Variants in NFKB2 observed in about 807,000 individuals in gnomAD.
NFKB2 encodes the protein nuclear factor kappa B subunit 2.
Under a neutral mutation model 109.3 loss-of-function variants are expected in NFKB2, and 21 were observed. The ratio of observed to expected loss-of-function variants is 0.19; its 90% CI spans 0.14 to 0.28. The LOEUF is 0.28. Ranked by LOEUF, NFKB2 falls within the 10% of genes least tolerant of loss-of-function variation. The pLI, the probability that NFKB2 is intolerant of heterozygous loss-of-function variation, is 1.00. For synonymous variants in NFKB2, 478 were observed against 489.9 expected (o/e 0.98, Z 0.32); for missense variants, 806 against 1,185.3 (o/e 0.68, Z 4.70).
At position 102,397,905 on chromosome 10, in the gene NFKB2, A is replaced by C; in HGVS notation, c.662-76A>C. 6.8e-7 allele frequency: 1 copy of C among 1,477,410 alleles called. No homozygotes were observed. Among genetic ancestry groups the C allele is most frequent in the South Asian group, 1.1e-5 (1 of 87,664 alleles). 91.5% of individuals were successfully genotyped at this position (1,477,410 alleles called of 1,614,324 possible). On this transcript the variant is annotated intron_variant, in intron 8 of 22. Transcript: ENST00000661543. The surrounding 1 kb of genome is among the most constrained non-coding windows in gnomAD (Gnocchi z 4.7). The stretch of plus-strand genomic sequence containing the variant: ...AGCTCCAGGGGTTGCTGAGATAAGG[A>C]ATACAAAGCCCCCAGCTTCTTAAAT...
At position 102,398,753 on chromosome 10, in the gene NFKB2, C is replaced by G; in HGVS notation, c.1006C>G (p.Gln336Glu). The G allele has an allele frequency of 6.2e-7, 1 of 1,612,398 alleles. No individual in the cohort carries two copies. Reference sequence around the variant, plus strand: ...TCTGCCCCCAGACAAGGAAGAGGTGCAGCGGAAGCGGAGGAAGGCCTTGCC... The same window carrying G: ...TCTGCCCCCAGACAAGGAAGAGGTGGAGCGGAAGCGGAGGAAGGCCTTGCC... ...YPLVEDKEEV[Q>E]RKRRKALPTF... The change falls in exon 12 of 23, where the codon CAG (glutamine) becomes GAG (glutamate). Residue 336 changes from glutamine (Q) to glutamate (E), a missense_variant. Physicochemically the swap from Gln to Glu is conservative, Grantham distance 29 (BLOSUM62 2). Around this residue, in one of 10 missense-constraint regions of NFKB2, gnomAD observed 209 missense variants for 211.9 expected, o/e 0.99. Transcript: ENST00000661543. This position sits in a 1 kb window ranked among gnomAD's most constrained non-coding sequence, Gnocchi z 6.6.
In NFKB2 at chr10:102,401,907, G is replaced by A. The variant is rs761531554; in HGVS notation, c.2456G>A (p.Arg819His). 1.4e-5 allele frequency: 22 copies of A among 1,611,616 alleles called. No homozygotes were observed. Among genetic ancestry groups the A allele is most frequent in the South Asian group, 2.2e-5 (2 of 90,726 alleles). ...ACCTCACCCAGTGGCAGCCTCCTGC[G>A]CAGCTACGAGGTGGGTTGGCCTGTG... The part of the protein sequence containing the change: ...QTTSPSGSLL[R>H]SYELAGGDLA... Residue 819 changes from arginine (R) to histidine (H), a missense_variant, in exon 21 of 23, where the codon CGC becomes CAC. Transcript: ENST00000661543. This position sits in a 1 kb window ranked among gnomAD's most constrained non-coding sequence, Gnocchi z 4.2.
At position 102,401,211 on chromosome 10, in the gene NFKB2, C is replaced by T. The variant is rs200250354; in HGVS notation, c.2103C>T (p.Pro701=). ...ACATCCATGCTGAAAACGAGGAGCC[C>T]CTGTGCCCACTGCCTTCACCCCCTA... The part of the protein sequence containing the change: ...GADIHAENEE[P]LCPLPSPPTS... Residue 701 remains proline, a synonymous_variant, in exon 19 of 23, where the codon CCC becomes CCT. Coordinates refer to ENST00000661543, the MANE Select transcript of NFKB2 (RefSeq NM_001322934.2). The surrounding 1 kb of genome is among the most constrained non-coding windows in gnomAD (Gnocchi z 4.2). 3 of 1,604,448 alleles carry T rather than the reference C, an allele frequency of 1.9e-6. No homozygotes were observed. The highest frequency in any genetic ancestry group is 1.7e-5 in the Admixed American group (1 of 59,138).
At chr10:102,399,529 G>A in intron 13 of NFKB2, 32 bp downstream of exon 13, 1 of 1,507,192 alleles carries the variant, frequency 6.6e-7, no homozygotes. Context: ...CGGTCGGGGC[G>A]CCGGGGCTGA....
rs1383114111 is a variant in NFKB2, at chr10:102,397,077, C to T, written c.395+22C>T. ...CCCAGTAGGTGCCCTCTACGCCTGG[C>T]CCCCACTGGTATGCCCGTCTGCCAG... On this transcript the variant is annotated intron_variant, in intron 6 of 22. Transcript: ENST00000661543. The surrounding 1 kb of genome is among the most constrained non-coding windows in gnomAD (Gnocchi z 4.7). 1.3e-6 allele frequency: 2 copies of T among 1,599,854 alleles called. No individual in the cohort carries two copies. The highest frequency in any genetic ancestry group is 1.7e-6 in the Non-Finnish European group (2 of 1,169,128).
In NFKB2 at chr10:102,399,618, A is replaced by C. The variant is rs1589865861; in HGVS notation, c.1369A>C (p.Ser457Arg). 6.5e-7 allele frequency: 1 copy of C among 1,546,398 alleles called. No individual in the cohort carries two copies. The highest frequency in any genetic ancestry group is 8.7e-7 in the Non-Finnish European group (1 of 1,145,570). Reference protein sequence around the residue: ...NARLFGLAQRSARALLDYGVT... With the variant: ...NARLFGLAQRRARALLDYGVT... ...GCGCCTGTTCGGCCTGGCGCAGCGC[A>C]GCGCCCGAGCCCTACTCGACTACGG... The change falls in exon 14 of 23, where the codon AGC becomes CGC. Residue 457 changes from serine to arginine, a missense_variant. This residue lies in a region of NFKB2 where 209 missense variants were observed against 211.9 expected (regional missense o/e 0.99). Transcript: ENST00000661543.
In NFKB2 at chr10:102,396,129, A is replaced by C; in HGVS notation, c.22-124A>C. 6.9e-7 allele frequency: 1 copy of C among 1,457,734 alleles called. No homozygotes were observed. Among genetic ancestry groups the C allele is most frequent in the Non-Finnish European group, 9.5e-7 (1 of 1,049,586 alleles). The allele number at this position is 1,457,734 out of a possible 1,614,324, so 90.3% of individuals were successfully genotyped here. A position where few individuals can be genotyped will look rare whatever the true frequency, so the allele number is the denominator to read the frequency against. On this transcript the variant is annotated intron_variant, in intron 2 of 22. Coordinates refer to ENST00000661543, the MANE Select transcript of NFKB2 (RefSeq NM_001322934.2). The surrounding 1 kb of genome is among the most constrained non-coding windows in gnomAD (Gnocchi z 5.9). The stretch of plus-strand genomic sequence containing the variant: ...TCCATCTGTCTGCAACTCTGCCTCC[A>C]AAAGGAGCTTTCTCTTGGGTCTGAG...
At chr10:102,395,556 TG>T, upstream of NFKB2, 1 of 336,636 alleles carries the variant, frequency 3.0e-6, no homozygotes, top group South Asian at 4.6e-5. Flanking sequence ...CCTAGACCTC[TG>T]CCCGCTGAAA....
chr10:102,394,281 G>C (rs2061060083), upstream of NFKB2: 1 of 152,264 alleles, frequency 6.6e-6, no homozygotes, highest in Non-Finnish European at 1.5e-5. Flanking sequence ...CTGGGTCAGC[G>C]GGTACCTTCT....
In NFKB2 at chr10:102,395,715, C is replaced by T. The variant is rs1462602753; in HGVS notation, c.-154C>T. 3.9e-5 allele frequency: 23 copies of T among 595,256 alleles called. No individual in the cohort carries two copies. In the East Asian group the frequency reaches 6.1e-4, roughly 16 times the overall value. 36.9% of individuals were successfully genotyped at this position (595,256 alleles called of 1,614,324 possible). On this transcript the variant is annotated 5_prime_UTR_variant, in exon 1 of 23. Transcript: ENST00000661543. ...TTCCTAAGCTGCTCTAACTTTCCTG[C>T]CCCTTCCCCGGCCAAGCCCAACTCC...
Position 102,399,657 on chromosome 10 carries a change from G to T in NFKB2, c.1408G>T (p.Ala470Ser). ...ACTCGACTACGGCGTCACCGCGGACGCGCGCGCGCTGCTGGCGGGACAGCG... is the reference window on the plus strand; with the variant it reads ...ACTCGACTACGGCGTCACCGCGGACTCGCGCGCGCTGCTGGCGGGACAGCG... ...ALLDYGVTAD[A>S]RALLAGQRHL... The change falls in exon 14 of 23, where the codon GCG becomes TCG. Residue 470 changes from alanine (A) to serine (S), a missense_variant. By Grantham distance (99) the Ala-to-Ser change is moderately conservative. Transcript: ENST00000661543. 1 of 1,508,114 alleles carries T rather than the reference G, an allele frequency of 6.6e-7. No individual in the cohort carries two copies. The highest frequency in any genetic ancestry group is 2.6e-5 in the East Asian group (1 of 38,954). 93.4% of individuals were successfully genotyped at this position (1,508,114 alleles called of 1,614,324 possible). A position where few individuals can be genotyped will look rare whatever the true frequency, so the allele number is the denominator to read the frequency against.
Position 102,402,238 on chromosome 10 carries a change from C to A in NFKB2, c.2579-14C>A. ...GGCTTTGACTATCCCATTCCTGTCCCCATTTACCCCCAGCAGAGGTGAAGG... is the reference window on the plus strand; with the variant it reads ...GGCTTTGACTATCCCATTCCTGTCCACATTTACCCCCAGCAGAGGTGAAGG... On this transcript the variant is annotated splice_polypyrimidine_tract_variant and intron_variant, in intron 22 of 22. Coordinates refer to ENST00000661543, the MANE Select transcript of NFKB2 (RefSeq NM_001322934.2). The A allele has an allele frequency of 6.4e-7, 1 of 1,550,432 alleles. No individual in the cohort carries two copies. The highest frequency in any genetic ancestry group is 2.4e-5 in the East Asian group (1 of 41,136).
At chr10:102,399,025 C>A in intron 12 of NFKB2, 161 bp downstream of exon 12, 1 of 837,218 alleles carries the variant, frequency 1.2e-6, no homozygotes, top group Non-Finnish European at 1.8e-6. Flanking sequence ...CCAGCTTGGC[C>A]AACAGCGTGA....
chr10:102,399,835 C>T (rs1432117782), intron 14 of NFKB2, 117 bp downstream of exon 14: 3 of 1,390,138 alleles, frequency 2.2e-6, no homozygotes, highest in Middle Eastern at 2.6e-4. Flanking sequence ...CCTCGGTGTT[C>T]ACAAGCTCTG....
rs1479743751 is a variant in NFKB2, at chr10:102,401,120, C to T, written c.2072-60C>T. 10 of 1,609,422 alleles carry T rather than the reference C, an allele frequency of 6.2e-6. No homozygotes were observed. The East Asian group carries it at 2.2e-4, about 36-fold the overall frequency. On this transcript the variant is annotated intron_variant, in intron 18 of 22. Transcript: ENST00000661543. This position sits in a 1 kb window ranked among gnomAD's most constrained non-coding sequence, Gnocchi z 4.2. ...AGAGAGGTGCCTCCCAGTCCCCCGA[C>T]TTTGCAGTCCTTAATGTAGGCCCCC...
In NFKB2 at chr10:102,398,716, A is replaced by G; in HGVS notation, c.992-23A>G. 3.1e-6 allele frequency: 5 copies of G among 1,612,176 alleles called. No individual in the cohort carries two copies. The highest frequency in any genetic ancestry group is 4.2e-6 in the Non-Finnish European group (5 of 1,180,008). ...AGGCATGACACAATAACTGGGCTCA[A>G]TCTCATTTTCCTCTGCCCCCAGACA... On this transcript the variant is annotated intron_variant, in intron 11 of 22. Transcript: ENST00000661543. This position sits in a 1 kb window ranked among gnomAD's most constrained non-coding sequence, Gnocchi z 6.6.
Position 102,399,460 on chromosome 10 carries a change from C to A in NFKB2, c.1290C>A (p.Pro430=). ...AAEPSAPSRT[P]QCEPQAPEML... Reference sequence around the variant, plus strand: ...AGCCAAGCGCCCCCTCCAGGACCCCCCAGTGCGAGCCGCAGGCCCCGGAGA... The same window carrying A: ...AGCCAAGCGCCCCCTCCAGGACCCCACAGTGCGAGCCGCAGGCCCCGGAGA... The change falls in exon 13 of 23, where the codon CCC becomes CCA. Residue 430 remains proline (P), a synonymous_variant. Coordinates refer to ENST00000661543, the MANE Select transcript of NFKB2 (RefSeq NM_001322934.2). 6.6e-7 allele frequency: 1 copy of A among 1,505,126 alleles called. No homozygotes were observed. Among genetic ancestry groups the A allele is most frequent in the Non-Finnish European group, 8.9e-7 (1 of 1,124,664 alleles). The allele number at this position is 1,505,126 out of a possible 1,614,324, so 93.2% of individuals were successfully genotyped here.
chr10:102,399,668 G>A lies in NFKB2; in HGVS notation c.1419G>A (p.Leu473=). The change falls in exon 14 of 23, where the codon CTG becomes CTA. Residue 473 remains leucine, a synonymous_variant. Transcript: ENST00000661543. The part of the protein sequence containing the change: ...DYGVTADARA[L]LAGQRHLLTA... ...GCGTCACCGCGGACGCGCGCGCGCT[G>A]CTGGCGGGACAGCGCCACCTGCTGA... 14 of 1,528,468 alleles carry A rather than the reference G, an allele frequency of 9.2e-6. No homozygotes were observed. The highest frequency in any genetic ancestry group is 1.2e-5 in the South Asian group (1 of 82,488). 94.7% of individuals were successfully genotyped at this position (1,528,468 alleles called of 1,614,324 possible).
In NFKB2 at chr10:102,400,055, CAG is replaced by C; in HGVS notation, c.1470-23_1470-22del. ...CGAAGGATGCTCTGAGTGGCTGGGC[CAG>C]ACTCTCGCTCCCCAACCCCCAGACC... On this transcript the variant is annotated intron_variant, in intron 14 of 22. Coordinates refer to ENST00000661543, the MANE Select transcript of NFKB2 (RefSeq NM_001322934.2). The surrounding 1 kb of genome is among the most constrained non-coding windows in gnomAD (Gnocchi z 6.3). 1 of 1,608,104 alleles carries C rather than the reference CAG, an allele frequency of 6.2e-7. No homozygotes were observed. The highest frequency in any genetic ancestry group is 1.1e-5 in the South Asian group (1 of 90,944).
Sources: allele counts gnomAD v4.1 joint callset, GRCh38; gene constraint gnomAD v4.1.1; regional missense constraint gnomAD v4.1.1; non-coding constraint Gnocchi (gnomAD v3.1); transcripts MANE v1.5; gene names NCBI Gene and HGNC (gene_info 2026-07-23, HGNC 2026-07-21).